The following PTPRO variants were observed in gnomAD, a reference collection of about 807,000 sequenced individuals.
PTPRO encodes protein tyrosine phosphatase receptor type O.
In PTPRO, 62 loss-of-function variants were observed where a neutral mutation model predicts 145.2. That is an observed-to-expected ratio of 0.43 (90% CI 0.35 to 0.53). The LOEUF is 0.53. Among genes scored for constraint, PTPRO ranks in the 20% least tolerant of loss-of-function variants. The pLI, the probability that PTPRO is intolerant of heterozygous loss-of-function variation, is 0.01. For synonymous variants in PTPRO, 565 were observed against 514.7 expected (o/e 1.10, Z -1.32); for missense variants, 1,345 against 1,482.7 (o/e 0.91, Z 1.53).
chr12:15,397,438 A>G (rs752530002), intron 1 of PTPRO, among the ~76,000 whole-genome samples: 11 of 152,120 alleles, frequency 7.2e-5, no homozygotes, highest in Non-Finnish European at 1.3e-4. Flanking sequence ...AAAAGCCCCT[A>G]CTTTGGACTG....
chr12:15,424,437 A>G (rs1940228570), intron 1 of PTPRO, among the ~76,000 whole-genome samples: 1 of 152,164 alleles, frequency 6.6e-6, no homozygotes, highest in Admixed American at 6.6e-5. Context: ...AAGAATTTTT[A>G]AATAAATATT....
intron 1 of PTPRO, among the ~76,000 whole-genome samples, chr12:15,411,897 C>T (rs1484829352): frequency 6.6e-6 from 1 of 152,164 alleles, no homozygotes; most frequent in Non-Finnish European, 1.5e-5. Flanking sequence ...AGCCCAGCAG[C>T]ATGCATCAGA....
chr12:15,442,032 CAA>C (rs1940781356), intron 1 of PTPRO, among the ~76,000 whole-genome samples: 1 of 151,936 alleles, frequency 6.6e-6, no homozygotes, highest in Non-Finnish European at 1.5e-5. Flanking sequence ...CAAAACCTGG[CAA>C]AGACACAATG....
intron 17 of PTPRO, among the ~76,000 whole-genome samples, chr12:15,563,577 G>A (rs1943828362): frequency 6.6e-6 from 1 of 151,972 alleles, no homozygotes; most frequent in Non-Finnish European, 1.5e-5. Flanking sequence ...ATGCCAATAA[G>A]TATATGATAA....
intron 16 of PTPRO, among the ~76,000 whole-genome samples, chr12:15,559,487 CAACA>C (rs1465834007): frequency 6.6e-6 from 1 of 152,126 alleles, no homozygotes; most frequent in Non-Finnish European, 1.5e-5. Flanking sequence ...GCATTTAAAT[CAACA>C]GTCTGAATTA....
chr12:15,400,863 T>C (rs1386502416), intron 1 of PTPRO, among the ~76,000 whole-genome samples: 1 of 152,222 alleles, frequency 6.6e-6, no homozygotes, highest in African/African-American at 2.4e-5. Context: ...TCTGTGACTA[T>C]TTCTGTCTTA....
intron 1 of PTPRO, among the ~76,000 whole-genome samples, chr12:15,349,839 C>T (rs906215866): frequency 6.6e-6 from 1 of 151,984 alleles, no homozygotes; most frequent in Non-Finnish European, 1.5e-5. Flanking sequence ...ATTGATTACA[C>T]GTAGGACAAG....
chr12:15,590,312 C>T (rs1038718897), intron 25 of PTPRO, among the ~76,000 whole-genome samples: 2 of 152,128 alleles, frequency 1.3e-5, no homozygotes, highest in Non-Finnish European at 2.9e-5. Context: ...GGGTGTGTAC[C>T]CTTGTGGGCG....
Position 15,330,872 on chromosome 12 carries a change from G to A in PTPRO, c.75+8071G>A, listed in dbSNP as rs1329907523. Among the ~76,000 whole-genome samples, 6 of 152,234 alleles carry A rather than the reference G, an allele frequency of 3.9e-5. No individual in the cohort carries two copies. In the East Asian group the frequency reaches 9.7e-4, roughly 25 times the overall value. On this transcript the variant is annotated intron_variant, in intron 1 of 26. Transcript: ENST00000281171. ...TCCATCCCTTCATTTCATTCTCTGG[G>A]ATTTTCTTTTTGAGTGTCCTGCTGG...
Position 15,520,235 on chromosome 12 carries a change from A to G in PTPRO, c.1814A>G (p.Asn605Ser), listed in dbSNP as rs144384841. 1.6e-5 allele frequency: 26 copies of G among 1,613,740 alleles called. No individual in the cohort carries two copies. The African/African-American group carries it at 3.1e-4, about 19-fold the overall frequency. Residue 605 changes from asparagine (N) to serine (S), a missense_variant, in exon 10 of 27, where the codon AAC becomes AGC. Physicochemically the swap from Asn to Ser is conservative, Grantham distance 46. Transcript: ENST00000281171. ...IANLLPAWYY[N>S]FRVTMVTWGD... ...AATCTGCTGCCAGCATGGTACTACA[A>G]CTTCCGGGTTACCATGGTGACGTGG...
intron 23 of PTPRO, among the ~76,000 whole-genome samples, chr12:15,583,653 T>C (rs1358183714): frequency 1.3e-5 from 2 of 152,240 alleles, no homozygotes; most frequent in Admixed American, 6.5e-5. Context: ...ACATCAAGCT[T>C]GAGTAGCTGC....
intron 1 of PTPRO, among the ~76,000 whole-genome samples, chr12:15,338,973 A>T (rs1866870862): frequency 6.6e-6 from 1 of 152,174 alleles, no homozygotes; most frequent in Non-Finnish European, 1.5e-5. Context: ...CTGTAATACA[A>T]GTGAAAATAA....
intron 13 of PTPRO, among the ~76,000 whole-genome samples, chr12:15,548,401 T>C (rs898026328): frequency 6.6e-6 from 1 of 152,186 alleles, no homozygotes; most frequent in African/African-American, 2.4e-5. Flanking sequence ...AAATGTACAC[T>C]TTTTGACTCA....
chr12:15,394,107 C>A (rs149725305), intron 1 of PTPRO, among the ~76,000 whole-genome samples: 1 of 152,134 alleles, frequency 6.6e-6, no homozygotes, highest in Non-Finnish European at 1.5e-5. Context: ...ATGACCCAAT[C>A]ATCTCTTAAA....
chr12:15,448,003 T>A lies in PTPRO; in HGVS notation c.76-35971T>A, dbSNP rs78499549. 4.2e-3 allele frequency among the ~76,000 whole-genome samples: 647 copies of A among 152,274 alleles called. 4 individuals carry two copies. Among genetic ancestry groups the A allele is most frequent in the African/African-American group, 0.015 (622 of 41,570 alleles). ...GAAATTGCTTCTGTTATCATTGAGA[T>A]AGAGTGATTTCCATTTTCAAATATT... On this transcript the variant is annotated intron_variant, in intron 1 of 26. Transcript: ENST00000281171.
At chr12:15,547,344 C>A (rs762762825) in intron 13 of PTPRO, among the ~76,000 whole-genome samples, 1 of 152,152 alleles carries the variant, frequency 6.6e-6, no homozygotes, top group African/African-American at 2.4e-5. Flanking sequence ...AGAGATGAAC[C>A]TGCAGTTCTA....
intron 1 of PTPRO, among the ~76,000 whole-genome samples, chr12:15,420,563 C>T (rs1222374111): frequency 1.3e-5 from 2 of 151,594 alleles, no homozygotes; most frequent in African/African-American, 2.4e-5. Flanking sequence ...TTGAATGGCC[C>T]CTTAAGCTTA....
chr12:15,452,784 A>AGAGTT (rs1026797576), intron 1 of PTPRO, among the ~76,000 whole-genome samples: 2 of 152,194 alleles, frequency 1.3e-5, no homozygotes, highest in Admixed American at 6.5e-5. Context: ...TTTACTACAC[A>AGAGTT]GAGTTGATCA....
chr12:15,574,847 G>C (rs1944144609), intron 19 of PTPRO, among the ~76,000 whole-genome samples: 1 of 152,152 alleles, frequency 6.6e-6, no homozygotes, highest in Non-Finnish European at 1.5e-5. Flanking sequence ...CTATCCCAAA[G>C]CAAACACCGA....
Sources: gnomAD v4.1 joint callset for allele counts (sites outside exome capture counted in the v4.1 genomes callset) on GRCh38, gnomAD v4.1.1 for gene constraint, MANE v1.5 for transcripts, NCBI Gene and HGNC (gene_info 2026-07-23, HGNC 2026-07-21) for gene names.